The following DYM variants were observed in gnomAD, a reference collection of about 807,000 sequenced individuals.
DYM encodes dyggve-Melchior-Clausen syndrome protein.
A neutral mutation model predicts 93.1 loss-of-function variants in DYM; 78 were observed. The ratio of observed to expected loss-of-function variants is 0.84; its 90% CI spans 0.70 to 1.01. DYM has a LOEUF of 1.01. DYM is among the 50% of genes least tolerant of loss of function. The probability of loss-of-function intolerance (pLI) is 0.00; values close to 1 mark genes in which losing one functional copy is unlikely to be tolerated. For synonymous variants in DYM, 321 were observed against 319.7 expected, an observed-to-expected ratio of 1.00 and a Z score of -0.04; for missense variants, 789 against 845.0, an observed-to-expected ratio of 0.93 and a Z score of 0.82.
At chr18:49,091,542 C>T (rs915827777) in intron 17 of DYM, among the ~76,000 whole-genome samples, 2 of 152,072 alleles carry the variant, frequency 1.3e-5, no homozygotes, top group East Asian at 3.8e-4. Context: ...TTACCTAGTA[C>T]TGTGCTTCTC....
intron 14 of DYM, among the ~76,000 whole-genome samples, chr18:49,170,080 AAG>A (rs2088465110): frequency 6.6e-6 from 1 of 152,186 alleles, no homozygotes; most frequent in African/African-American, 2.4e-5. Flanking sequence ...CAGGAAGAAA[AAG>A]AAATTAATAA....
At chr18:49,363,988 A>G (rs1347559033) in intron 5 of DYM, among the ~76,000 whole-genome samples, 1 of 152,118 alleles carries the variant, frequency 6.6e-6, no homozygotes, top group East Asian at 1.9e-4. Context: ...CAGTTCTTAT[A>G]ATACTTTATT....
chr18:49,262,844 T>TA (rs11362000), intron 11 of DYM, among the ~76,000 whole-genome samples: 4 of 151,952 alleles, frequency 2.6e-5, no homozygotes, highest in African/African-American at 9.7e-5. Flanking sequence ...GGCTACATTT[T>TA]AAAAAAAATC....
intron 2 of DYM, among the ~76,000 whole-genome samples, chr18:49,429,082 A>G (rs1419033966): frequency 1.3e-5 from 2 of 152,304 alleles, no homozygotes; most frequent in East Asian, 1.9e-4. Flanking sequence ...CAGCTTCTAG[A>G]AGCTGCTCAT....
In DYM at chr18:49,149,122, C is replaced by T. The variant is rs575956208; in HGVS notation, c.1728+14563G>A. On this transcript the variant is annotated intron_variant, in intron 15 of 17. Transcript: ENST00000675505. Reference sequence around the variant, plus strand: ...AGGCATGTGTAACCTAGATCCTTTGCGTGTACAGTTCACAATAGGGTTGGC... The same window carrying T: ...AGGCATGTGTAACCTAGATCCTTTGTGTGTACAGTTCACAATAGGGTTGGC... 2.7e-4 allele frequency among the ~76,000 whole-genome samples: 41 copies of T among 152,190 alleles called. No homozygotes were observed. The East Asian group carries it at 6.4e-3, about 24-fold the overall frequency.
chr18:49,295,273 C>T (rs932142237), intron 8 of DYM, among the ~76,000 whole-genome samples: 1 of 152,116 alleles, frequency 6.6e-6, no homozygotes, highest in African/African-American at 2.4e-5. Context: ...TACTTGACCT[C>T]CATACCATGC....
In DYM at chr18:49,363,237, G is replaced by A; in HGVS notation, c.422-4C>T. The A allele has an allele frequency of 6.2e-7, 1 of 1,611,336 alleles. No individual in the cohort carries two copies. The highest frequency in any genetic ancestry group is 8.5e-7 in the Non-Finnish European group (1 of 1,178,602). ...AAAAGATCTTCTGAGTCAGAACCTG[G>A]TAAGACACATAAAAAGATTTTTTTT... On this transcript the variant is annotated splice_region_variant and splice_polypyrimidine_tract_variant and intron_variant, in intron 5 of 17. Transcript: ENST00000675505.
At chr18:49,361,185 G>A (rs965871481) in intron 6 of DYM, among the ~76,000 whole-genome samples, 4 of 152,150 alleles carry the variant, frequency 2.6e-5, no homozygotes, top group Admixed American at 6.5e-5. Flanking sequence ...CAGGAGCTCC[G>A]GTTGAATGGG....
chr18:49,258,284 C>T (rs994446906), intron 12 of DYM, 96 bp downstream of exon 12: 22 of 825,780 alleles, frequency 2.7e-5, no homozygotes, highest in Middle Eastern at 4.5e-4. Context: ...CCATATGTCA[C>T]GAGAATTTTA....
intron 2 of DYM, among the ~76,000 whole-genome samples, chr18:49,406,707 G>A (rs1324442531): frequency 6.6e-6 from 1 of 152,178 alleles, no homozygotes; most frequent in Non-Finnish European, 1.5e-5. Context: ...TGCCAGCGAG[G>A]AGGCAGATAA....
intron 10 of DYM, among the ~76,000 whole-genome samples, chr18:49,278,469 G>A (rs939056560): frequency 6.6e-6 from 1 of 152,078 alleles, no homozygotes; most frequent in South Asian, 2.1e-4. Flanking sequence ...ATATAGTGTT[G>A]AAGTGACTAT....
At chr18:49,341,344 T>C (rs1407678097) in intron 6 of DYM, among the ~76,000 whole-genome samples, 2 of 151,846 alleles carry the variant, frequency 1.3e-5, no homozygotes, top group East Asian at 3.9e-4. Context: ...TACAAAAAAT[T>C]AGCCGGGCAT....
chr18:49,422,591 C>T (rs1418285284), intron 2 of DYM, among the ~76,000 whole-genome samples: 1 of 152,106 alleles, frequency 6.6e-6, no homozygotes, highest in African/African-American at 2.4e-5. Context: ...AATTAAAAGA[C>T]ACAGACTGGC....
At position 49,317,683 on chromosome 18, in the gene DYM, T is replaced by TCCTTCCTTC. The variant is rs1555690598; in HGVS notation, c.763+14180_763+14181insGAAGGAAGG. 6.9e-5 allele frequency among the ~76,000 whole-genome samples: 9 copies of TCCTTCCTTC among 130,176 alleles called. 1 individual carries two copies. Among genetic ancestry groups the TCCTTCCTTC allele is most frequent in the African/African-American group, 2.0e-4 (7 of 34,894 alleles). 85.4% of individuals were successfully genotyped at this position (130,176 alleles called of 152,430 possible). On this transcript the variant is annotated intron_variant, in intron 8 of 17. Coordinates refer to ENST00000675505, the MANE Select transcript of DYM (RefSeq NM_001353214.3). ...TTCCTTCCTTCCTTCCTTCCTTCCT[T>TCCTTCCTTC]CCTTCCTTTCTTTCTTTCTTTCAAG... is the stretch of plus-strand genomic sequence containing the variant.
Position 49,097,437 on chromosome 18 carries a change from G to T in DYM, c.1990C>A (p.Gln664Lys), listed in dbSNP as rs760754978. ...TCTTTGGGCAGCGCAACGACGCCTT[G>T]CTTAATGATTTCCAGGACCCGTTCC... The part of the protein sequence containing the change: ...SVERVLEIIK[Q>K]GVVALPKDRL... The change falls in exon 17 of 18, where the codon CAA (glutamine) becomes AAA (lysine). Residue 664 changes from glutamine (Q) to lysine (K), a missense_variant. Physicochemically the swap from Gln to Lys is moderately conservative, Grantham distance 53. Around this residue, in one of 3 missense-constraint regions of DYM, gnomAD observed 114 missense variants for 105.8 expected, o/e 1.08. Coordinates refer to ENST00000675505, the MANE Select transcript of DYM (RefSeq NM_001353214.3). 3.7e-6 allele frequency: 6 copies of T among 1,614,030 alleles called. No individual in the cohort carries two copies. In the Admixed American group the frequency reaches 5.0e-5, roughly 13 times the overall value.
At chr18:49,321,469 C>T in intron 8 of DYM, 1 of 396,490 alleles carries the variant, frequency 2.5e-6, no homozygotes, top group Non-Finnish European at 4.4e-6. Flanking sequence ...CAGCAAATTA[C>T]AAGAAAAAAA....
chr18:49,247,877 A>C (rs1179195929), intron 13 of DYM, among the ~76,000 whole-genome samples: 6 of 152,234 alleles, frequency 3.9e-5, no homozygotes, highest in Non-Finnish European at 8.8e-5. Flanking sequence ...GACTAAACTA[A>C]AAAAGCAAAC....
chr18:49,151,374 A>G (rs2085796581), intron 15 of DYM, among the ~76,000 whole-genome samples: 1 of 152,224 alleles, frequency 6.6e-6, no homozygotes, highest in African/African-American at 2.4e-5. Flanking sequence ...AATTAAATCA[A>G]CCAAGGAAAG....
chr18:49,167,693 T>C (rs1285690038), intron 14 of DYM, among the ~76,000 whole-genome samples: 2 of 152,194 alleles, frequency 1.3e-5, no homozygotes, highest in Non-Finnish European at 2.9e-5. Flanking sequence ...TAAAGATATA[T>C]GATGTTTGTA....
Sources: allele counts gnomAD v4.1 joint callset (sites outside exome capture counted in the v4.1 genomes callset), GRCh38; gene constraint gnomAD v4.1.1; regional missense constraint gnomAD v4.1.1; transcripts MANE v1.5; gene names NCBI Gene and HGNC (gene_info 2026-07-23, HGNC 2026-07-21).